Variants in RYR2 observed in about 807,000 individuals in gnomAD.
RYR2 encodes the protein ryanodine receptor 2.
RYR2 carries 227 observed loss-of-function variants against 601.1 expected under a neutral mutation model. That is an observed-to-expected ratio of 0.38 (90% confidence interval 0.34 to 0.42). The LOEUF is 0.42. RYR2 is among the 10% of genes least tolerant of loss of function. The probability of loss-of-function intolerance (pLI) is 1.00; values close to 1 mark genes in which losing one functional copy is unlikely to be tolerated. For synonymous variants in RYR2, 2,223 were observed against 2,175.1 expected (o/e 1.02, Z -0.61); for missense variants, 4,646 against 6,156.5 (o/e 0.75, Z 8.21).
intron 1 of RYR2, among the ~76,000 whole-genome samples, chr1:237,063,681 T>C (rs747654421): frequency 1.3e-5 from 2 of 152,202 alleles, no homozygotes; most frequent in Non-Finnish European, 2.9e-5. Flanking sequence ...GATTTACTTA[T>C]ATGTTGCACT....
At chr1:237,307,578 CATTT>C (rs1316991711) in intron 2 of RYR2, among the ~76,000 whole-genome samples, 2 of 152,064 alleles carry the variant, frequency 1.3e-5, no homozygotes, top group Non-Finnish European at 1.5e-5. Context: ...TGAAATTTGT[CATTT>C]ATTTATCAAG....
intron 48 of RYR2, among the ~76,000 whole-genome samples, chr1:237,646,334 C>G (rs968009613): frequency 1.3e-5 from 2 of 151,770 alleles, no homozygotes; most frequent in Non-Finnish European, 2.9e-5. Flanking sequence ...GAGCAAGACT[C>G]TGTCTCAAAA....
intron 21 of RYR2, among the ~76,000 whole-genome samples, 199 bp downstream of exon 21, chr1:237,501,102 G>A (rs1664587611): frequency 6.6e-6 from 1 of 150,890 alleles, no homozygotes; most frequent in Non-Finnish European, 1.5e-5. Context: ...TGAATGCTTT[G>A]TTTACGGATC....
At position 237,251,998 on chromosome 1, in the gene RYR2, C is replaced by T. The variant is rs113778104; in HGVS notation, c.49-18499C>T. On this transcript the variant is annotated intron_variant, in intron 1 of 104. Coordinates refer to ENST00000366574, the MANE Select transcript of RYR2 (RefSeq NM_001035.3). ...ATATATCTGGATTCTGACCTTTTCC[C>T]GGCACTTCCACAGGTCACACCCTAA... 7.7e-4 allele frequency among the ~76,000 whole-genome samples: 117 copies of T among 152,120 alleles called. 1 individual carries two copies. The highest frequency in any genetic ancestry group is 2.5e-3 in the African/African-American group (104 of 41,506).
At chr1:237,750,313 G>C (rs1692439395) in intron 80 of RYR2, among the ~76,000 whole-genome samples, 1 of 151,868 alleles carries the variant, frequency 6.6e-6, no homozygotes, top group African/African-American at 2.4e-5. Context: ...TCCAAGAATA[G>C]AAAGAAACCC....
intron 6 of RYR2, 81 bp from the exon 7 acceptor site, chr1:237,374,636 G>A (rs557051787): frequency 6.3e-5 from 74 of 1,180,892 alleles, no homozygotes; most frequent in East Asian, 1.3e-4. Context: ...TCCAGCCTGA[G>A]CTACAGAGCA....
chr1:237,195,700 T>C (rs1680486617), intron 1 of RYR2, among the ~76,000 whole-genome samples: 1 of 152,262 alleles, frequency 6.6e-6, no homozygotes, highest in Non-Finnish European at 1.5e-5. Flanking sequence ...GCATAGGCTC[T>C]AGTCTGGTCA....
intron 1 of RYR2, 26 bp downstream of exon 1, chr1:237,042,595 G>T (rs575243272): frequency 8.0e-7 from 1 of 1,255,442 alleles, no homozygotes; most frequent in African/African-American, 1.5e-5. Flanking sequence ...CGCGTGTGCT[G>T]TCAGGGGAAG....
chr1:237,546,993 A>ATATTTATTTATT (rs71180099), intron 25 of RYR2, among the ~76,000 whole-genome samples: 31 of 127,398 alleles, frequency 2.4e-4, no homozygotes, highest in African/African-American at 8.4e-4. Flanking sequence ...ATATATATAT[A>ATATTTATTTATT]TATTTATTTA....
intron 71 of RYR2, among the ~76,000 whole-genome samples, chr1:237,713,411 T>G (rs1290254514): frequency 6.6e-6 from 1 of 152,220 alleles, no homozygotes; most frequent in Non-Finnish European, 1.5e-5. Context: ...TGTTTTGTTT[T>G]TTTGAGACGG....
chr1:237,262,249 T>TTG (rs1688607106), intron 1 of RYR2, among the ~76,000 whole-genome samples: 2 of 101,976 alleles, frequency 2.0e-5, no homozygotes, highest in Non-Finnish European at 3.7e-5. Flanking sequence ...TAAAGAGTTT[T>TTG]TTTTTTTTTT....
At chr1:237,344,221 C>T (rs754222251) in intron 3 of RYR2, among the ~76,000 whole-genome samples, 7 of 152,210 alleles carry the variant, frequency 4.6e-5, no homozygotes, top group Non-Finnish European at 7.3e-5. Context: ...GGATTATTCT[C>T]ATGGCGTTTT....
chr1:237,075,406 C>A (rs1369024084), intron 1 of RYR2, among the ~76,000 whole-genome samples: 1 of 144,626 alleles, frequency 6.9e-6, no homozygotes, highest in Non-Finnish European at 1.5e-5. Flanking sequence ...TGGGCGCAGG[C>A]CAGTGTGTGT....
At chr1:237,816,056 C>T (rs958148048) in intron 100 of RYR2, among the ~76,000 whole-genome samples, 3 of 152,106 alleles carry the variant, frequency 2.0e-5, no homozygotes, top group Admixed American at 1.3e-4. Context: ...ACACGCAGTT[C>T]CTCAAAGAAG....
At chr1:237,293,777 A>G (rs1692478507) in intron 2 of RYR2, among the ~76,000 whole-genome samples, 1 of 152,174 alleles carries the variant, frequency 6.6e-6, no homozygotes, top group Non-Finnish European at 1.5e-5. Context: ...CCCTCCAGAT[A>G]CCTAGTTTTA....
At chr1:237,045,868 G>GT (rs1558136067) in intron 1 of RYR2, among the ~76,000 whole-genome samples, 32 of 103,582 alleles carry the variant, frequency 3.1e-4, no homozygotes, top group African/African-American at 1.3e-3. Flanking sequence ...CCTTGGTCAA[G>GT]GTTTTTTTTT....
chr1:237,058,440 C>CA (rs145161196), intron 1 of RYR2, among the ~76,000 whole-genome samples: 6,296 of 152,094 alleles, frequency 0.041, 144 homozygotes, highest in African/African-American at 0.071. Flanking sequence ...CACTGTCTTT[C>CA]AAAAAAATCT....
chr1:237,423,283 GT>G (rs1179605798), intron 12 of RYR2, 35 bp downstream of exon 12: 15 of 1,596,814 alleles, frequency 9.4e-6, no homozygotes, highest in Non-Finnish European at 1.3e-5. Flanking sequence ...TCCTATAAAT[GT>G]TACCCGGTCA....
At chr1:237,400,214 A>G (rs556435105) in intron 10 of RYR2, among the ~76,000 whole-genome samples, 42 of 152,380 alleles carry the variant, frequency 2.8e-4, no homozygotes, top group Admixed American at 4.6e-4. Flanking sequence ...TTACAACTGC[A>G]CATGACCAGA....
Sources: gnomAD v4.1 joint callset for allele counts (sites outside exome capture counted in the v4.1 genomes callset) on GRCh38, gnomAD v4.1.1 for gene constraint, MANE v1.5 for transcripts, NCBI Gene and HGNC (gene_info 2026-07-23, HGNC 2026-07-21) for gene names.